RHOT1: variants seen among roughly 807,000 people sequenced by gnomAD.
The protein encoded by RHOT1 is ras homolog family member T1, also known as mitochondrial Rho GTPase 1.
RHOT1 carries 27 observed loss-of-function variants against 95.3 expected under a neutral mutation model. That is an observed-to-expected ratio of 0.28 (90% CI 0.21 to 0.39). RHOT1 has a LOEUF of 0.39. Among genes scored for constraint, RHOT1 ranks in the 10% least tolerant of loss-of-function variants. The pLI is 1.00. For synonymous variants in RHOT1, 227 were observed against 263.5 expected (o/e 0.86, Z 1.34); for missense variants, 578 against 786.7 (o/e 0.73, Z 3.17).
At chr17:32,154,826 C>T (rs1372631893) in intron 1 of RHOT1, among the ~76,000 whole-genome samples, 1 of 150,584 alleles carries the variant, frequency 6.6e-6, no homozygotes, top group Non-Finnish European at 1.5e-5. Flanking sequence ...ACCCAGGAGG[C>T]GGAGGTTGCA....
chr17:32,163,325 G>A (rs998717201), intron 1 of RHOT1, among the ~76,000 whole-genome samples: 1 of 152,140 alleles, frequency 6.6e-6, no homozygotes, highest in Non-Finnish European at 1.5e-5. Flanking sequence ...AGGAATGAAT[G>A]TTAAAAATTT....
intron 16 of RHOT1, among the ~76,000 whole-genome samples, chr17:32,205,377 T>C (rs993457924): frequency 6.6e-6 from 1 of 152,226 alleles, no homozygotes; most frequent in African/African-American, 2.4e-5. Flanking sequence ...TGCATACTTC[T>C]ATTTTTTTAA....
At chr17:32,211,292 A>G in intron 19 of RHOT1, 54 bp downstream of exon 19, 7 of 1,501,436 alleles carry the variant, frequency 4.7e-6, no homozygotes, top group Non-Finnish European at 6.3e-6. Context: ...ACAAAAGAAA[A>G]AAGCGGATAA....
chr17:32,194,668 T>TAGAC (rs1242005843), intron 11 of RHOT1, among the ~76,000 whole-genome samples: 1 of 152,154 alleles, frequency 6.6e-6, no homozygotes, highest in Non-Finnish European at 1.5e-5. Context: ...AATAAGATGC[T>TAGAC]AGACAACAAA....
chr17:32,177,754 CAAA>C (rs765273097), intron 6 of RHOT1, among the ~76,000 whole-genome samples: 3 of 87,060 alleles, frequency 3.4e-5, no homozygotes, highest in Admixed American at 1.2e-4. Context: ...GACTCCGTCT[CAAA>C]AAAAAAAAAA....
intron 8 of RHOT1, among the ~76,000 whole-genome samples, chr17:32,189,286 G>A (rs1377626684): frequency 6.6e-6 from 1 of 152,058 alleles, no homozygotes; most frequent in Non-Finnish European, 1.5e-5. Context: ...GCGACAGAGC[G>A]AGGAGACCCC....
chr17:32,212,739 CA>C (rs1344248549), intron 19 of RHOT1, among the ~76,000 whole-genome samples: 6 of 152,034 alleles, frequency 3.9e-5, no homozygotes, highest in African/African-American at 1.4e-4. Flanking sequence ...CCCTTTAGAA[CA>C]ACATACGACT....
intron 19 of RHOT1, 50 bp downstream of exon 19, chr17:32,211,288 G>GA: frequency 6.7e-7 from 1 of 1,499,522 alleles, no homozygotes; most frequent in South Asian, 1.3e-5. Context: ...AAATACAAAA[G>GA]AAAAAAGCGG....
chr17:32,155,787 CCA>C (rs1406792063), intron 1 of RHOT1, among the ~76,000 whole-genome samples: 9 of 152,006 alleles, frequency 5.9e-5, no homozygotes, highest in Non-Finnish European at 8.8e-5. Flanking sequence ...AGTGATTCTC[CCA>C]CCTCAGCCTC....
intron 8 of RHOT1, among the ~76,000 whole-genome samples, chr17:32,185,655 G>A (rs568729462): frequency 1.3e-5 from 2 of 149,854 alleles, no homozygotes; most frequent in South Asian, 2.1e-4. Context: ...CAATGCACCC[G>A]CCTTGGCCTC....
chr17:32,192,844 GTATTTT>G (rs920815637), intron 9 of RHOT1, among the ~76,000 whole-genome samples: 3 of 151,820 alleles, frequency 2.0e-5, no homozygotes, highest in Non-Finnish European at 2.9e-5. Context: ...GCTAATTTTT[GTATTTT>G]TAGTAGAGAC....
At chr17:32,194,479 G>A (rs1350702101) in intron 11 of RHOT1, among the ~76,000 whole-genome samples, 2 of 152,132 alleles carry the variant, frequency 1.3e-5, no homozygotes, top group Non-Finnish European at 2.9e-5. Context: ...TACCACATCC[G>A]TAGATGTCAG....
intron 13 of RHOT1, among the ~76,000 whole-genome samples, chr17:32,199,943 C>CTTTTTTTT (rs71362808): frequency 7.8e-6 from 1 of 128,734 alleles, no homozygotes; most frequent in African/African-American, 2.9e-5. Context: ...TTAATGAACT[C>CTTTTTTTT]TTTTTTTTTT....
In RHOT1 at chr17:32,194,020, G is replaced by A; in HGVS notation, c.782G>A (p.Arg261Lys). Residue 261 changes from arginine to lysine, a missense_variant, in exon 11 of 20, where the codon AGA becomes AAA. Physicochemically the swap from Arg to Lys is conservative, Grantham distance 26. This residue lies in a region of RHOT1 where 227 missense variants were observed against 316.0 expected (regional missense o/e 0.72). Transcript: ENST00000545287. ...FLFLHTLFIQ[R>K]GRHETTWTVL... ...TTTTTACACACACTTTTTATCCAGA[G>A]AGGGAGACACGAAACTACTTGGACT... is the stretch of plus-strand genomic sequence containing the variant. 1 of 1,613,914 alleles carries A rather than the reference G, an allele frequency of 6.2e-7. No homozygotes were observed. Among genetic ancestry groups the A allele is most frequent in the Non-Finnish European group, 8.5e-7 (1 of 1,179,814 alleles).
At chr17:32,224,410 A>G (rs908177780) in intron 19 of RHOT1, among the ~76,000 whole-genome samples, 1 of 152,194 alleles carries the variant, frequency 6.6e-6, no homozygotes, top group South Asian at 2.1e-4. Flanking sequence ...TGTCTTTATT[A>G]GTATCTACAT....
chr17:32,196,980 G>A (rs1204814323), intron 11 of RHOT1, among the ~76,000 whole-genome samples: 6 of 151,846 alleles, frequency 4.0e-5, no homozygotes, highest in South Asian at 2.1e-4. Context: ...AAAATTAGCC[G>A]AGTGTAGTGG....
At chr17:32,176,039 A>T (rs115936384) in intron 5 of RHOT1, 24 bp downstream of exon 5, 6 of 1,600,826 alleles carry the variant, frequency 3.7e-6, no homozygotes, top group Non-Finnish European at 5.1e-6. Flanking sequence ...TTTTTTCCCT[A>T]TAGTTGGTTT....
At chr17:32,169,782 G>C (rs2034419064) in intron 1 of RHOT1, among the ~76,000 whole-genome samples, 2 of 152,126 alleles carry the variant, frequency 1.3e-5, no homozygotes, top group Non-Finnish European at 2.9e-5. Context: ...GAGGCAGGTG[G>C]ATTGCTTGAG....
chr17:32,180,828 G>A (rs959558055), intron 6 of RHOT1, among the ~76,000 whole-genome samples: 10 of 152,012 alleles, frequency 6.6e-5, no homozygotes, highest in African/African-American at 2.4e-4. Flanking sequence ...GACTGCAAGT[G>A]CGTGCCATCA....
Sources: gnomAD v4.1 joint callset for allele counts (sites outside exome capture counted in the v4.1 genomes callset) on GRCh38, gnomAD v4.1.1 for gene constraint, gnomAD v4.1.1 regional missense constraint, MANE v1.5 for transcripts, NCBI Gene and HGNC (gene_info 2026-07-23, HGNC 2026-07-21) for gene names.